The following COL4A6 variants were observed in gnomAD, a reference collection of about 807,000 sequenced individuals.
COL4A6 encodes the protein collagen alpha-6(IV) chain.
COL4A6 carries 59 observed loss-of-function variants against 126.7 expected under a neutral mutation model. The ratio of observed to expected loss-of-function variants is 0.47; its 90% CI spans 0.38 to 0.58. The LOEUF is 0.58. COL4A6 is among the 20% of genes least tolerant of loss of function. The probability of loss-of-function intolerance (pLI) is 0.00; values close to 1 mark genes in which losing one functional copy is unlikely to be tolerated. For synonymous variants in COL4A6, 547 were observed against 496.6 expected, an observed-to-expected ratio of 1.10 and a Z score of -1.35; for missense variants, 1,285 against 1,337.3, an observed-to-expected ratio of 0.96 and a Z score of 0.61.
intron 3 of COL4A6, among the ~76,000 whole-genome samples, chrX:108,246,939 A>G (rs920661516): frequency 2.7e-5 from 3 of 112,082 alleles, no homozygotes; most frequent in Admixed American, 1.9e-4. Context: ...ACTATACCTC[A>G]TAAAGTTCTT....
intron 28 of COL4A6, among the ~76,000 whole-genome samples, chrX:108,176,430 G>A (rs999931587): frequency 7.4e-5 from 8 of 108,839 alleles, no homozygotes; most frequent in Non-Finnish European, 1.3e-4. Flanking sequence ...CTTTAGCCTC[G>A]TTCTGCTGCT....
chrX:108,161,241 C>T (rs1466401696), intron 42 of COL4A6, among the ~76,000 whole-genome samples: 1 of 111,546 alleles, frequency 9.0e-6, no homozygotes, highest in East Asian at 2.8e-4. Flanking sequence ...ACAGCCACGC[C>T]TTAACTCAAG....
Position 108,161,742 on chromosome X carries a change from G to C in COL4A6, c.4217-7C>G. The C allele has an allele frequency of 3.5e-6, 4 of 1,155,196 alleles. No homozygotes were observed. Among genetic ancestry groups the C allele is most frequent in the East Asian group, 3.0e-5 (1 of 33,411 alleles). ...CCAGGTAAACCTTTGGAGCCTGCAG[G>C]AGAGAAAGCCCAAAGGAGGGTACTC... On this transcript the variant is annotated splice_polypyrimidine_tract_variant and splice_region_variant and intron_variant, in intron 41 of 44. Transcript: ENST00000334504.
intron 3 of COL4A6, among the ~76,000 whole-genome samples, chrX:108,281,982 T>C (rs1316483550): frequency 9.1e-6 from 1 of 110,327 alleles, no homozygotes; most frequent in Non-Finnish European, 1.9e-5. Context: ...TTACACCTTA[T>C]ACAAAAATTA....
chrX:108,173,158 T>C (rs1312990218), intron 31 of COL4A6, among the ~76,000 whole-genome samples: 1 of 112,374 alleles, frequency 8.9e-6, no homozygotes, highest in Non-Finnish European at 1.9e-5. Context: ...ATATCTGTTA[T>C]GGTTTTGGTT....
intron 3 of COL4A6, among the ~76,000 whole-genome samples, chrX:108,246,912 A>C (rs2036732417): frequency 8.9e-6 from 1 of 111,984 alleles, no homozygotes; most frequent in Non-Finnish European, 1.9e-5. Flanking sequence ...TGAGTGATTA[A>C]AAAATGACAA....
At chrX:108,439,368 G>A (rs1256471367), upstream of COL4A6, 1 of 814,481 alleles carries the variant, frequency 1.2e-6, no homozygotes, top group Non-Finnish European at 1.7e-6. Flanking sequence ...TTGTTTATAA[G>A]CATATACTTT....
At chrX:108,310,881 G>T in intron 2 of COL4A6, 53 bp from the exon 3 acceptor site, 1 of 970,522 alleles carries the variant, frequency 1.0e-6, no homozygotes, top group Non-Finnish European at 1.5e-6. Flanking sequence ...AAGCAATGTT[G>T]TCCCAGCAGA....
chrX:108,234,378 C>T (rs1298847444), intron 3 of COL4A6, among the ~76,000 whole-genome samples: 1 of 111,965 alleles, frequency 8.9e-6, no homozygotes, highest in Non-Finnish European at 1.9e-5. Context: ...TGTATTGAAT[C>T]CTCTTGACTC....
intron 41 of COL4A6, among the ~76,000 whole-genome samples, chrX:108,162,416 G>C (rs866345803): frequency 2.9e-5 from 3 of 102,756 alleles, no homozygotes; most frequent in Non-Finnish European, 6.0e-5. Context: ...AAGAAGAAGA[G>C]GAAGAAGAAG....
Position 108,192,455 on chromosome X carries a change from T to C in COL4A6, c.1180+18A>G, listed in dbSNP as rs755913588. On this transcript the variant is annotated intron_variant, in intron 18 of 44. Transcript: ENST00000334504. ...ATAGAGGACTGATCTGTGTAGGAAA[T>C]GGGTTAGTTTTTTTCACCTGATAAT... The C allele has an allele frequency of 3.6e-6, 4 of 1,117,820 alleles. No individual in the cohort carries two copies. The Admixed American group carries it at 8.9e-5, about 25-fold the overall frequency. 92.1% of individuals were successfully genotyped at this position (1,117,820 alleles called of 1,213,427 possible). A position where few individuals can be genotyped will look rare whatever the true frequency, so the allele number is the denominator to read the frequency against.
intron 3 of COL4A6, among the ~76,000 whole-genome samples, chrX:108,285,914 T>C (rs1234122837): frequency 9.0e-6 from 1 of 110,661 alleles, no homozygotes; most frequent in Non-Finnish European, 1.9e-5. Flanking sequence ...TAGAAAAGGG[T>C]TGTATCTATT....
intron 3 of COL4A6, among the ~76,000 whole-genome samples, chrX:108,286,032 T>G (rs1410914294): frequency 1.8e-5 from 2 of 111,847 alleles, no homozygotes; most frequent in Non-Finnish European, 3.8e-5. Flanking sequence ...GTGACTTTAT[T>G]AGGAAAGAAA....
chrX:108,286,254 A>G (rs761456896), intron 3 of COL4A6, among the ~76,000 whole-genome samples: 3 of 111,988 alleles, frequency 2.7e-5, no homozygotes, highest in Non-Finnish European at 5.6e-5. Flanking sequence ...ACAACCACAA[A>G]CAAGTTTTTA....
At chrX:108,433,555 G>C (rs1408233426) in intron 2 of COL4A6, among the ~76,000 whole-genome samples, 2 of 105,570 alleles carry the variant, frequency 1.9e-5, no homozygotes, top group Non-Finnish European at 3.9e-5. Context: ...ACAAGGTCTA[G>C]CTCTATTGCT....
intron 3 of COL4A6, among the ~76,000 whole-genome samples, chrX:108,297,360 C>T (rs1055701630): frequency 9.0e-6 from 1 of 111,528 alleles, no homozygotes; most frequent in African/African-American, 3.3e-5. Context: ...AAACCATTCA[C>T]CTAATGCAGA....
intron 2 of COL4A6, among the ~76,000 whole-genome samples, chrX:108,428,948 T>C (rs916138894): frequency 8.9e-6 from 1 of 112,234 alleles, no homozygotes; most frequent in South Asian, 3.7e-4. Context: ...TACTCCTGGA[T>C]ACCTACCCAA....
At chrX:108,368,816 G>A (rs1288606177) in intron 2 of COL4A6, among the ~76,000 whole-genome samples, 3 of 111,041 alleles carry the variant, frequency 2.7e-5, no homozygotes, top group Admixed American at 9.6e-5. Flanking sequence ...CTTACACAGG[G>A]TCAGGATCAT....
intron 3 of COL4A6, among the ~76,000 whole-genome samples, chrX:108,256,185 T>C (rs2037000572): frequency 8.9e-6 from 1 of 112,484 alleles, no homozygotes; most frequent in Non-Finnish European, 1.9e-5. Flanking sequence ...TGGTTTTCCA[T>C]TCCCAGTTTC....
Sources: gnomAD v4.1 joint callset for allele counts (sites outside exome capture counted in the v4.1 genomes callset) on GRCh38, gnomAD v4.1.1 for gene constraint, MANE v1.5 for transcripts, NCBI Gene and HGNC (gene_info 2026-07-23, HGNC 2026-07-21) for gene names.